The following DEPDC7 variants were observed in gnomAD, a reference collection of about 807,000 sequenced individuals.
The protein encoded by DEPDC7 is DEP domain containing 7.
Under a neutral mutation model 56.6 loss-of-function variants are expected in DEPDC7, and 41 were observed. That is an observed-to-expected ratio of 0.72 (90% confidence interval 0.56 to 0.94). DEPDC7 has a LOEUF of 0.94. DEPDC7 is among the 40% of genes least tolerant of loss of function. The pLI, the probability that DEPDC7 is intolerant of heterozygous loss-of-function variation, is 0.00. For synonymous variants in DEPDC7, 185 were observed against 208.8 expected (o/e 0.89, Z 0.98); for missense variants, 522 against 596.3 (o/e 0.88, Z 1.30).
intron 1 of DEPDC7, chr11:33,016,558 T>C (rs886375138): frequency 1.9e-6 from 3 of 1,614,130 alleles, no homozygotes; most frequent in South Asian, 1.1e-5. Context: ...TTTATGTGAG[T>C]TCTACTGGCA....
rs753120869 is a variant in DEPDC7 at position 33,025,899 on chromosome 11, A to C, written c.314A>C (p.Tyr105Ser). 4 of 1,614,190 alleles carry C rather than the reference A, an allele frequency of 2.5e-6. No individual in the cohort carries two copies. The highest frequency in any genetic ancestry group is 3.4e-6 in the Non-Finnish European group (4 of 1,180,028). Residue 105 changes from tyrosine (Y) to serine (S), a missense_variant, in exon 2 of 9, where the codon TAC becomes TCC. By Grantham distance (144) the Tyr-to-Ser change is moderately radical (BLOSUM62 -2). Transcript: ENST00000241051. ...VVRVCQALMD[Y>S]KVFEAVPTKV... ...AGAGTGTGTCAAGCGCTTATGGACT[A>C]CAAAGTATTTGAAGCAGTTCCAACC...
At chr11:33,017,546 G>T (rs1250814645) in intron 1 of DEPDC7, among the ~76,000 whole-genome samples, 1 of 152,220 alleles carries the variant, frequency 6.6e-6, no homozygotes, top group African/African-American at 2.4e-5. Flanking sequence ...GCAGTGGACG[G>T]AGAGGGGCCC....
At chr11:33,016,639 G>C in intron 1 of DEPDC7, 1 of 1,586,378 alleles carries the variant, frequency 6.3e-7, no homozygotes, top group Non-Finnish European at 8.6e-7. Context: ...GAAGTTTTTG[G>C]CTAAAAAAAC....
Position 33,025,818 on chromosome 11 carries a change from A to T in DEPDC7, c.233A>T (p.His78Leu), listed in dbSNP as rs1380301490. The stretch of plus-strand genomic sequence containing the variant: ...GAAGCTGTGGATGTCATTTTTTCTC[A>T]CCTAATTCAGAATAAGTATTTTGGT... ...GSEAVDVIFSHLIQNKYFGDV... is the reference protein window; with the variant it reads ...GSEAVDVIFSLLIQNKYFGDV... The change falls in exon 2 of 9, where the codon CAC becomes CTC. Residue 78 changes from histidine (H) to leucine (L), a missense_variant. By Grantham distance (99) the His-to-Leu change is moderately conservative. Transcript: ENST00000241051. 1 of 1,614,144 alleles carries T rather than the reference A, an allele frequency of 6.2e-7. No individual in the cohort carries two copies. The highest frequency in any genetic ancestry group is 8.5e-7 in the Non-Finnish European group (1 of 1,180,010).
At chr11:33,022,675 G>A (rs1853534869) in intron 1 of DEPDC7, among the ~76,000 whole-genome samples, 1 of 152,118 alleles carries the variant, frequency 6.6e-6, no homozygotes, top group Non-Finnish European at 1.5e-5. Flanking sequence ...CAATGTTTAG[G>A]CATTGTGGCT....
chr11:33,016,488 G>C, intron 1 of DEPDC7: 3 of 1,610,588 alleles, frequency 1.9e-6, no homozygotes, highest in Non-Finnish European at 2.5e-6. Flanking sequence ...TTGTTCTCCA[G>C]ACTGCTAGGA....
intron 1 of DEPDC7, among the ~76,000 whole-genome samples, chr11:33,017,680 C>T (rs1853478362): frequency 2.0e-5 from 3 of 152,178 alleles, no homozygotes; most frequent in Admixed American, 1.3e-4. Flanking sequence ...TGGGAGCACA[C>T]GGTTATTGGT....
At chr11:33,024,310 C>T (rs1407258030) in intron 1 of DEPDC7, among the ~76,000 whole-genome samples, 1 of 152,170 alleles carries the variant, frequency 6.6e-6, no homozygotes, top group Non-Finnish European at 1.5e-5. Flanking sequence ...TCATAAGCTC[C>T]TATAGGGCAG....
At position 33,031,478 on chromosome 11, in the gene DEPDC7, A is replaced by G; in HGVS notation, c.883A>G (p.Thr295Ala). Residue 295 changes from threonine (T) to alanine (A), a missense_variant, in exon 5 of 9, where the codon ACA (threonine) becomes GCA (alanine). Physicochemically the swap from Thr to Ala is moderately conservative, Grantham distance 58 (BLOSUM62 0). Transcript: ENST00000241051. Reference protein sequence around the residue: ...SRSFPEQPDRTDLVKELLFDA... With the variant: ...SRSFPEQPDRADLVKELLFDA... ...AAGCTTTCCTGAGCAACCAGACCGA[A>G]CAGACTTAGTGAAAGAACTTCTGTT... The G allele has an allele frequency of 6.2e-7, 1 of 1,614,194 alleles. No homozygotes were observed. Among genetic ancestry groups the G allele is most frequent in the East Asian group, 2.2e-5 (1 of 44,876 alleles).
At position 33,032,772 on chromosome 11, in the gene DEPDC7, T is replaced by G; in HGVS notation, c.1242T>G (p.Asp414Glu). The change falls in exon 7 of 9, where the codon GAT becomes GAG. Residue 414 changes from aspartate (D) to glutamate (E), a missense_variant. Transcript: ENST00000241051. ...ATCTTCTGGTACTCTTTTTAATGGATCATCAGAAAGATGTTTTTAAGGTAA... is the reference window on the plus strand; with the variant it reads ...ATCTTCTGGTACTCTTTTTAATGGAGCATCAGAAAGATGTTTTTAAGGTAA... ...KTDLLVLFLM[D>E]HQKDVFKIPG... 1 of 1,601,808 alleles carries G rather than the reference T, an allele frequency of 6.2e-7. No homozygotes were observed. Among genetic ancestry groups the G allele is most frequent in the South Asian group, 1.1e-5 (1 of 87,854 alleles).
intron 1 of DEPDC7, chr11:33,016,623 T>C (rs748388900): frequency 6.3e-7 from 1 of 1,593,886 alleles, no homozygotes; most frequent in South Asian, 1.1e-5. Flanking sequence ...AGTATTTTAG[T>C]GAATAGAAGT....
rs755047361 is a variant in DEPDC7 at position 33,027,707 on chromosome 11, G to A, written c.486G>A (p.Lys162=). 1.3e-6 allele frequency: 2 copies of A among 1,537,966 alleles called. No individual in the cohort carries two copies. The highest frequency in any genetic ancestry group is 2.5e-5 in the East Asian group (1 of 40,754). ...SPARYADALF[K]SSDIRSASLE... ...TTAGGTATGCAGATGCATTATTTAAGTCATCCGATATCAGATCAGCCAGTT... is the reference window on the plus strand; with the variant it reads ...TTAGGTATGCAGATGCATTATTTAAATCATCCGATATCAGATCAGCCAGTT... Residue 162 remains lysine, a synonymous_variant, in exon 3 of 9, where the codon AAG becomes AAA. Coordinates refer to ENST00000241051, the MANE Select transcript of DEPDC7 (RefSeq NM_001077242.2).
intron 1 of DEPDC7, among the ~76,000 whole-genome samples, chr11:33,022,993 A>G (rs1247903114): frequency 6.6e-6 from 1 of 152,192 alleles, no homozygotes; most frequent in East Asian, 1.9e-4. Context: ...TGGGAGGCCT[A>G]GGTGGGTGGA....
chr11:33,016,849 A>C (rs1304657826), intron 1 of DEPDC7, among the ~76,000 whole-genome samples: 1 of 152,234 alleles, frequency 6.6e-6, no homozygotes, highest in Non-Finnish European at 1.5e-5. Flanking sequence ...TAAGATACTC[A>C]GATAACCCTT....
chr11:33,032,767 A>G lies in DEPDC7; in HGVS notation c.1237A>G (p.Met413Val). 3 of 1,603,440 alleles carry G rather than the reference A, an allele frequency of 1.9e-6. No homozygotes were observed. The highest frequency in any genetic ancestry group is 1.7e-6 in the Non-Finnish European group (2 of 1,176,850). ...AACAGATCTTCTGGTACTCTTTTTA[A>G]TGGATCATCAGAAAGATGTTTTTAA... ...GKTDLLVLFLMDHQKDVFKIP... is the reference protein window; with the variant it reads ...GKTDLLVLFLVDHQKDVFKIP... The change falls in exon 7 of 9, where the codon ATG becomes GTG. Residue 413 changes from methionine to valine, a missense_variant. Physicochemically the swap from Met to Val is conservative, Grantham distance 21 (BLOSUM62 1). Coordinates refer to ENST00000241051, the MANE Select transcript of DEPDC7 (RefSeq NM_001077242.2).
rs1853452391 is a variant in DEPDC7 at position 33,015,981 on chromosome 11, C to G, written c.26C>G (p.Ala9Gly). Reference protein sequence around the residue: MATVQEKAAALNLSALHSP... With the variant: MATVQEKAGALNLSALHSP... Reference sequence around the variant, plus strand: ...ATGGCCACCGTGCAGGAGAAGGCTGCTGCGCTGAACCTCTCGGCTCTCCAC... The same window carrying G: ...ATGGCCACCGTGCAGGAGAAGGCTGGTGCGCTGAACCTCTCGGCTCTCCAC... Residue 9 changes from alanine to glycine, a missense_variant, in exon 1 of 9, where the codon GCT becomes GGT. By Grantham distance (60) the Ala-to-Gly change is moderately conservative. Transcript: ENST00000241051. 6.3e-7 allele frequency: 1 copy of G among 1,577,054 alleles called. No homozygotes were observed. The highest frequency in any genetic ancestry group is 1.4e-5 in the African/African-American group (1 of 73,236).
At chr11:33,021,536 A>G (rs778365118) in intron 1 of DEPDC7, among the ~76,000 whole-genome samples, 1 of 152,206 alleles carries the variant, frequency 6.6e-6, no homozygotes, top group African/African-American at 2.4e-5. Context: ...CAAACCATAT[A>G]TGTTCAGCTG....
chr11:33,032,711 T>C lies in DEPDC7; in HGVS notation c.1181T>C (p.Ile394Thr). The change falls in exon 7 of 9, where the codon ATT (isoleucine) becomes ACT (threonine). Residue 394 changes from isoleucine to threonine, a missense_variant. By Grantham distance (89) the Ile-to-Thr change is moderately conservative. Transcript: ENST00000241051. ...GTGAAAAGGATATTCTCAAAAGCTA[T>C]TGTTGACAATAAAAATTTATCCAAA... ...MVVKRIFSKA[I>T]VDNKNLSKGK... The C allele has an allele frequency of 6.2e-7, 1 of 1,605,452 alleles. No individual in the cohort carries two copies. Among genetic ancestry groups the C allele is most frequent in the Non-Finnish European group, 8.5e-7 (1 of 1,174,992 alleles).
At chr11:33,021,107 T>C (rs1853519272) in intron 1 of DEPDC7, among the ~76,000 whole-genome samples, 1 of 151,936 alleles carries the variant, frequency 6.6e-6, no homozygotes, top group South Asian at 2.1e-4. Context: ...AAAAATTAGC[T>C]GCACGTGGTG....
Sources: allele counts gnomAD v4.1 joint callset (sites outside exome capture counted in the v4.1 genomes callset), GRCh38; gene constraint gnomAD v4.1.1; transcripts MANE v1.5; gene names NCBI Gene and HGNC (gene_info 2026-07-23, HGNC 2026-07-21).